MILR1: variants seen among roughly 807,000 people sequenced by gnomAD.
MILR1 encodes allergin-1.
Under a neutral mutation model 18.5 loss-of-function variants are expected in MILR1, and 31 were observed. That is an observed-to-expected ratio of 1.68 (90% CI 1.26 to 2.26). The LOEUF (loss-of-function observed/expected upper bound fraction) is 2.26, where lower values mean the gene tolerates loss of function less well. Ranked by LOEUF, MILR1 falls within the 30% of genes most tolerant of loss-of-function variation. MILR1 has a pLI of 0.00. For missense variants in MILR1, 257 were observed against 157.4 expected (o/e 1.63, Z -3.38); for synonymous variants, 85 against 56.2 (o/e 1.51, Z -2.30).
At chr17:64,466,747 C>T in intron 8 of MILR1, 85 bp downstream of exon 8, 1 of 1,162,578 alleles carries the variant, frequency 8.6e-7, no homozygotes, top group Non-Finnish European at 1.2e-6. Flanking sequence ...GCTTCAGGAG[C>T]CCGTTAATGG....
the MILR1 span, chr17:64,496,409 TGAA>T: frequency 1.9e-6 from 3 of 1,568,142 alleles, no homozygotes; most frequent in Non-Finnish European, 2.6e-6. Flanking sequence ...AAGCATACCG[TGAA>T]GAAGGTTCTC....
intron 4 of MILR1, among the ~76,000 whole-genome samples, chr17:64,459,043 C>T (rs910883640): frequency 2.0e-5 from 3 of 152,178 alleles, no homozygotes; most frequent in East Asian, 1.9e-4. Flanking sequence ...CATGCTGCCA[C>T]GTCCTGATGC....
chr17:64,473,133 A>G (rs2037715036), downstream of MILR1, among the ~76,000 whole-genome samples: 1 of 152,006 alleles, frequency 6.6e-6, no homozygotes, highest in African/African-American at 2.4e-5. Flanking sequence ...GTGGATCACA[A>G]GGTCAGGAGA....
the MILR1 span, among the ~76,000 whole-genome samples, chr17:64,497,339 A>G: frequency 6.6e-6 from 1 of 152,234 alleles, no homozygotes; most frequent in African/African-American, 2.4e-5. Context: ...AAATTAAAAT[A>G]CTTCAGTATT....
At chr17:64,461,128 C>G (rs1298918636) in intron 5 of MILR1, among the ~76,000 whole-genome samples, 196 bp downstream of exon 5, 3 of 152,066 alleles carry the variant, frequency 2.0e-5, no homozygotes. Context: ...GTAATTCTTT[C>G]TCCAGGGAAA....
the MILR1 span, chr17:64,482,861 C>G: frequency 1.0e-6 from 1 of 988,002 alleles, no homozygotes; most frequent in Non-Finnish European, 1.6e-6. Context: ...TGGTCCAAAG[C>G]GTTTTTGGAT....
At chr17:64,487,869 T>C in the MILR1 span, among the ~76,000 whole-genome samples, 1 of 151,972 alleles carries the variant, frequency 6.6e-6, no homozygotes, top group Non-Finnish European at 1.5e-5. Flanking sequence ...TGTTTATTGT[T>C]TTCTAATTTT....
chr17:64,491,262 T>C, the MILR1 span, among the ~76,000 whole-genome samples: 1 of 152,176 alleles, frequency 6.6e-6, no homozygotes, highest in South Asian at 2.1e-4. Context: ...GGATTCAGAG[T>C]AGCTGGGACC....
the MILR1 span, among the ~76,000 whole-genome samples, chr17:64,476,859 G>C: frequency 6.6e-6 from 1 of 151,202 alleles, no homozygotes; most frequent in African/African-American, 2.4e-5. Context: ...AAAAAAAAGA[G>C]AAAAACCTAC....
chr17:64,460,937 G>A lies in MILR1; in HGVS notation c.763+5G>A, dbSNP rs2037417707. On this transcript the variant is annotated splice_donor_5th_base_variant and intron_variant, in intron 5 of 9. Coordinates refer to ENST00000619286, the MANE Select transcript of MILR1 (RefSeq NM_001085423.2). Reference sequence around the variant, plus strand: ...TACTGCCCAAATACAAAACAAGTAAGTTCTTTTAGTCGCTTTACCACCCGT... The same window carrying A: ...TACTGCCCAAATACAAAACAAGTAAATTCTTTTAGTCGCTTTACCACCCGT... The A allele has an allele frequency of 2.1e-6, 1 of 474,154 alleles. No individual in the cohort carries two copies. The highest frequency in any genetic ancestry group is 3.9e-6 in the Non-Finnish European group (1 of 258,352). 29.4% of individuals were successfully genotyped at this position (474,154 alleles called of 1,614,324 possible).
At chr17:64,474,945 A>G in the MILR1 span, among the ~76,000 whole-genome samples, 1 of 152,074 alleles carries the variant, frequency 6.6e-6, no homozygotes, top group South Asian at 2.1e-4. Flanking sequence ...TGTAATTCCA[A>G]CACTTTGGGA....
chr17:64,466,803 C>A, intron 8 of MILR1, 141 bp downstream of exon 8: 1 of 653,396 alleles, frequency 1.5e-6, no homozygotes. Flanking sequence ...CCAATGGCAA[C>A]CAGCACCCCA....
At chr17:64,486,936 TA>T in the MILR1 span, 1 of 152,250 alleles carries the variant, frequency 6.6e-6, no homozygotes, top group Non-Finnish European at 1.5e-5. Context: ...TCAAACTTCT[TA>T]AAAATTTCAA....
the MILR1 span, chr17:64,496,545 C>T: frequency 6.2e-7 from 1 of 1,613,894 alleles, no homozygotes; most frequent in African/African-American, 1.3e-5. Context: ...AAGGCACTGT[C>T]CCCGGGTAGC....
chr17:64,485,885 A>G, the MILR1 span: 3 of 1,613,534 alleles, frequency 1.9e-6, no homozygotes, highest in South Asian at 3.3e-5. Context: ...AGAAAAACAG[A>G]AGAAAAATAA....
the MILR1 span, among the ~76,000 whole-genome samples, chr17:64,476,133 A>C: frequency 6.6e-6 from 1 of 151,956 alleles, no homozygotes; most frequent in African/African-American, 2.4e-5. Context: ...ATCTCCCACC[A>C]CTTAAAAAAG....
At chr17:64,497,216 C>T in the MILR1 span, among the ~76,000 whole-genome samples, 1 of 152,234 alleles carries the variant, frequency 6.6e-6, no homozygotes, top group Admixed American at 6.5e-5. Flanking sequence ...CCCCTCCCTT[C>T]AGATTGACTT....
At chr17:64,485,542 T>C in the MILR1 span, 1 of 616,628 alleles carries the variant, frequency 1.6e-6, no homozygotes, top group South Asian at 2.0e-5. Context: ...GGATGCCTTG[T>C]TCTATTCTGT....
the MILR1 span, chr17:64,492,540 G>T: frequency 3.1e-6 from 2 of 653,976 alleles, no homozygotes; most frequent in South Asian, 3.5e-5. Flanking sequence ...AAGAGTTTTT[G>T]TATTTGTATA....
Sources: gnomAD v4.1 joint callset for allele counts (sites outside exome capture counted in the v4.1 genomes callset) on GRCh38, gnomAD v4.1.1 for gene constraint, MANE v1.5 for transcripts, NCBI Gene and HGNC (gene_info 2026-07-23, HGNC 2026-07-21) for gene names.